The following MSL2 variants were observed in gnomAD, a reference collection of about 807,000 sequenced individuals.
MSL2 encodes the protein MSL complex subunit 2.
MSL2 carries 2 observed loss-of-function variants against 35.8 expected under a neutral mutation model. The observed-to-expected ratio is 0.06, with a 90% confidence interval of 0.02 to 0.18. The LOEUF (loss-of-function observed/expected upper bound fraction) is 0.18. Ranked by LOEUF, MSL2 falls within the 10% of genes least tolerant of loss-of-function variation. The probability of loss-of-function intolerance (pLI) is 1.00; values close to 1 mark genes in which losing one functional copy is unlikely to be tolerated. For synonymous variants in MSL2, 296 were observed against 255.7 expected (o/e 1.16, Z -1.50); for missense variants, 523 against 706.7 (o/e 0.74, Z 2.95).
intron 1 of MSL2, among the ~76,000 whole-genome samples, chr3:136,192,344 A>C (rs1940712692): frequency 6.6e-6 from 1 of 151,860 alleles, no homozygotes; most frequent in African/African-American, 2.4e-5. Flanking sequence ...ACACCCAGCT[A>C]ATTTGTGTAT....
chr3:136,174,816 A>G (rs1011083139), intron 1 of MSL2, among the ~76,000 whole-genome samples: 14 of 152,244 alleles, frequency 9.2e-5, no homozygotes, highest in Admixed American at 9.2e-4. Flanking sequence ...TAAAATTTAC[A>G]GCATCAGAAA....
Position 136,196,098 on chromosome 3 carries a change from C to A in MSL2, c.-985G>T, listed in dbSNP as rs374425638. The A allele has an allele frequency of 8.4e-5, 13 of 155,116 alleles. No individual in the cohort carries two copies. In the East Asian group the frequency reaches 1.7e-3, roughly 21 times the overall value. 9.6% of individuals were successfully genotyped at this position (155,116 alleles called of 1,614,324 possible). ...CGCCAGGCCCCGCCGCCGCCCAGCG[C>A]ACACAGCAAGGCCCCGCCGCAGGCC... On this transcript the variant is annotated 5_prime_UTR_variant, in exon 1 of 2. Transcript: ENST00000309993.
intron 1 of MSL2, among the ~76,000 whole-genome samples, chr3:136,188,388 C>T (rs1022999259): frequency 6.6e-6 from 1 of 150,538 alleles, no homozygotes; most frequent in South Asian, 2.1e-4. Context: ...GAGCCGAGAT[C>T]GCACCACTGC....
chr3:136,180,782 G>GA (rs1299150479), intron 1 of MSL2, among the ~76,000 whole-genome samples: 3 of 67,058 alleles, frequency 4.5e-5, no homozygotes, highest in African/African-American at 1.8e-4. Flanking sequence ...GGGAGGGAGG[G>GA]AGGGAGGGAG....
rs1559969171 is a variant in MSL2, at chr3:136,180,783, AGGG to A, written c.142+14186_142+14188del. Among the ~76,000 whole-genome samples the A allele has an allele frequency of 1.2e-3, 58 of 48,196 alleles. 1 individual carries two copies. Among genetic ancestry groups the A allele is most frequent in the Middle Eastern group, 0.011 (1 of 90 alleles). The allele number at this position is 48,196 out of a possible 152,430, so 31.6% of individuals were successfully genotyped here. On this transcript the variant is annotated intron_variant, in intron 1 of 1. Coordinates refer to ENST00000309993, the MANE Select transcript of MSL2 (RefSeq NM_018133.4). ...GAAGGAGGGAGGGAGGGAGGGAGGG[AGGG>A]AGGGAGGGAGGGAGGGAGGGAGGGA...
At chr3:136,170,508 CTTTTTTTTTTTTTT>C (rs71157363) in intron 1 of MSL2, among the ~76,000 whole-genome samples, 1 of 81,620 alleles carries the variant, frequency 1.2e-5, no homozygotes. Context: ...AAACTCTGTC[CTTTTTTTTTTTTTT>C]TTTTTTTTTT....
intron 1 of MSL2, among the ~76,000 whole-genome samples, chr3:136,186,575 T>C (rs1262919277): frequency 3.9e-5 from 6 of 152,116 alleles, no homozygotes; most frequent in South Asian, 4.1e-4. Flanking sequence ...TAGACTCTCA[T>C]AGGAGCACAA....
At chr3:136,183,839 AAAT>A (rs1940435683) in intron 1 of MSL2, among the ~76,000 whole-genome samples, 2 of 152,256 alleles carry the variant, frequency 1.3e-5, no homozygotes, top group Admixed American at 1.3e-4. Context: ...AGAACAGAGA[AAAT>A]AATGAACAAT....
Position 136,149,680 on chromosome 3 carries a change from A to G in MSL2, c.*1467T>C, listed in dbSNP as rs1001247914. 2.0e-5 allele frequency: 3 copies of G among 152,086 alleles called. No individual in the cohort carries two copies. The highest frequency in any genetic ancestry group is 2.9e-5 in the Non-Finnish European group (2 of 67,990). 9.4% of individuals were successfully genotyped at this position (152,086 alleles called of 1,614,324 possible). On this transcript the variant is annotated 3_prime_UTR_variant, in exon 2 of 2. Transcript: ENST00000309993. ...GAAAATGACACCAGGATACACTACA[A>G]AACAGAAGGAGGTGTCATCTGCTCT...
At chr3:136,194,849 C>G in intron 1 of MSL2, 123 bp downstream of exon 1, 1 of 1,449,062 alleles carries the variant, frequency 6.9e-7, no homozygotes, top group East Asian at 2.3e-5. Flanking sequence ...AATGACCGTA[C>G]AGCGCTGCAC....
chr3:136,189,721 C>CAAA (rs375444164), intron 1 of MSL2, among the ~76,000 whole-genome samples: 4 of 50,200 alleles, frequency 8.0e-5, no homozygotes, highest in Non-Finnish European at 1.2e-4. Context: ...GACGCCGTCT[C>CAAA]AAAAAAAAAA....
intron 1 of MSL2, among the ~76,000 whole-genome samples, chr3:136,171,451 C>T (rs577633576): frequency 1.2e-3 from 181 of 152,320 alleles, no homozygotes; most frequent in African/African-American, 3.8e-3. Context: ...CTACTCACAA[C>T]GAAAGCATGT....
At chr3:136,173,492 T>C (rs1940086251) in intron 1 of MSL2, among the ~76,000 whole-genome samples, 1 of 152,150 alleles carries the variant, frequency 6.6e-6, no homozygotes, top group East Asian at 1.9e-4. Flanking sequence ...ACTAAATACC[T>C]TGAAACCACC....
chr3:136,155,648 G>T, intron 1 of MSL2: 1 of 426,236 alleles, frequency 2.3e-6, no homozygotes. Context: ...CGCCCATGGG[G>T]ATACAGGACA....
chr3:136,177,452 A>T (rs1029510590), intron 1 of MSL2, among the ~76,000 whole-genome samples: 2 of 152,158 alleles, frequency 1.3e-5, no homozygotes, highest in Non-Finnish European at 2.9e-5. Flanking sequence ...AGGCAGGAGG[A>T]TCATGAGGTC....
rs1303145398 is a variant in MSL2, at chr3:136,194,961, A to G, written c.142+11T>C. The G allele has an allele frequency of 6.2e-7, 1 of 1,613,528 alleles. No individual in the cohort carries two copies. The highest frequency in any genetic ancestry group is 2.2e-5 in the East Asian group (1 of 44,862). On this transcript the variant is annotated intron_variant, in intron 1 of 1. Coordinates refer to ENST00000309993, the MANE Select transcript of MSL2 (RefSeq NM_018133.4). ...CAAGCATTGAAAAGGGAACAATAAAAAGCGTCTCACCGCAAACACAGCACG... is the reference window on the plus strand; with the variant it reads ...CAAGCATTGAAAAGGGAACAATAAAGAGCGTCTCACCGCAAACACAGCACG...
chr3:136,195,371 G>C lies in MSL2; in HGVS notation c.-258C>G. 4.9e-6 allele frequency: 6 copies of C among 1,230,212 alleles called. No homozygotes were observed. Among genetic ancestry groups the C allele is most frequent in the Non-Finnish European group, 6.1e-6 (6 of 982,218 alleles). The allele number at this position is 1,230,212 out of a possible 1,614,324, so 76.2% of individuals were successfully genotyped here. A position where few individuals can be genotyped will look rare whatever the true frequency, so the allele number is the denominator to read the frequency against. On this transcript the variant is annotated 5_prime_UTR_variant, in exon 1 of 2. Coordinates refer to ENST00000309993, the MANE Select transcript of MSL2 (RefSeq NM_018133.4). The stretch of plus-strand genomic sequence containing the variant: ...GAGAAACCAGCGTTCGAGTTCGTCC[G>C]GAGCGACCACAGAGCGCAGAACGCG...
chr3:136,194,322 A>T, intron 1 of MSL2: 1 of 754,182 alleles, frequency 1.3e-6, no homozygotes, highest in Non-Finnish European at 1.6e-6. Flanking sequence ...TAACAAAAAC[A>T]TCTAAAATAA....
At chr3:136,164,452 A>T (rs1939785690) in intron 1 of MSL2, among the ~76,000 whole-genome samples, 1 of 152,242 alleles carries the variant, frequency 6.6e-6, no homozygotes, top group East Asian at 1.9e-4. Context: ...AAAGATGCCC[A>T]TTGGCAAACT....
Sources: allele counts gnomAD v4.1 joint callset (sites outside exome capture counted in the v4.1 genomes callset), GRCh38; gene constraint gnomAD v4.1.1; transcripts MANE v1.5; gene names NCBI Gene and HGNC (gene_info 2026-07-23, HGNC 2026-07-21).